ADGRB3: variants seen among roughly 807,000 people sequenced by gnomAD.
ADGRB3 encodes the protein adhesion G protein-coupled receptor B3, also known as brain-specific angiogenesis inhibitor 3.
Under a neutral mutation model 193.4 loss-of-function variants are expected in ADGRB3, and 37 were observed. The observed-to-expected ratio is 0.19, with a 90% confidence interval of 0.15 to 0.25. The LOEUF is 0.25. Ranked by LOEUF, ADGRB3 falls within the 10% of genes least tolerant of loss-of-function variation. The probability of loss-of-function intolerance (pLI) is 1.00; values close to 1 mark genes in which losing one functional copy is unlikely to be tolerated. For missense variants in ADGRB3, 1,637 were observed against 1,852.9 expected, an observed-to-expected ratio of 0.88 and a Z score of 2.14; for synonymous variants, 690 against 644.2, an observed-to-expected ratio of 1.07 and a Z score of -1.08.
intron 17 of ADGRB3, among the ~76,000 whole-genome samples, chr6:69,117,878 T>C (rs1773578040): frequency 6.6e-6 from 1 of 152,216 alleles, no homozygotes; most frequent in Non-Finnish European, 1.5e-5. Context: ...AATGTAAAGC[T>C]GTACCACATT....
chr6:68,858,278 G>T (rs955662924), intron 3 of ADGRB3, among the ~76,000 whole-genome samples: 2 of 152,148 alleles, frequency 1.3e-5, no homozygotes, highest in Non-Finnish European at 2.9e-5. Flanking sequence ...GCCAAGGCGG[G>T]TGGATCACAA....
At chr6:69,161,907 G>C (rs1479486568) in intron 17 of ADGRB3, among the ~76,000 whole-genome samples, 1 of 152,088 alleles carries the variant, frequency 6.6e-6, no homozygotes, top group Non-Finnish European at 1.5e-5. Context: ...GCAAGCAAGA[G>C]AGTCAGAGAT....
chr6:69,231,360 T>C (rs557555496), intron 17 of ADGRB3, among the ~76,000 whole-genome samples: 1 of 152,360 alleles, frequency 6.6e-6, no homozygotes, highest in African/African-American at 2.4e-5. Flanking sequence ...AATTGATTTA[T>C]TGGGCATAGC....
At chr6:69,272,574 A>AT (rs755129749) in intron 20 of ADGRB3, among the ~76,000 whole-genome samples, 5 of 152,210 alleles carry the variant, frequency 3.3e-5, no homozygotes, top group Admixed American at 6.5e-5. Context: ...CTGGAATTGG[A>AT]TTGAGATGGG....
At chr6:69,043,568 G>A (rs1007921) in intron 13 of ADGRB3, among the ~76,000 whole-genome samples, 64,560 of 151,944 alleles carry the variant, frequency 0.42, 14,395 homozygotes, top group Middle Eastern at 0.47. Flanking sequence ...CATACTGTGG[G>A]GTAGTTCTCT....
At chr6:68,700,271 A>G (rs1247916592) in intron 3 of ADGRB3, among the ~76,000 whole-genome samples, 1 of 152,176 alleles carries the variant, frequency 6.6e-6, no homozygotes, top group Admixed American at 6.6e-5. Flanking sequence ...AAGGCATTAA[A>G]TAAGTATGCT....
chr6:69,081,303 G>C (rs371801634), intron 17 of ADGRB3, among the ~76,000 whole-genome samples: 1 of 151,684 alleles, frequency 6.6e-6, no homozygotes, highest in East Asian at 1.9e-4. Context: ...CAAAATACTA[G>C]TCCTTATAAA....
intron 20 of ADGRB3, among the ~76,000 whole-genome samples, chr6:69,257,208 C>T (rs1479450865): frequency 1.3e-5 from 2 of 152,276 alleles, no homozygotes; most frequent in African/African-American, 2.4e-5. Context: ...CAGAATGATG[C>T]TGGCCTCATA....
chr6:69,130,008 G>C (rs1016705845), intron 17 of ADGRB3, among the ~76,000 whole-genome samples: 1 of 151,984 alleles, frequency 6.6e-6, no homozygotes, highest in African/African-American at 2.4e-5. Context: ...AGTCCATTCA[G>C]GTTGCTATAA....
intron 3 of ADGRB3, among the ~76,000 whole-genome samples, chr6:68,920,008 G>A (rs1766991548): frequency 6.6e-6 from 1 of 152,138 alleles, no homozygotes; most frequent in South Asian, 2.1e-4. Context: ...GGGTTGAGAT[G>A]GAAGCAGAGT....
chr6:68,922,663 G>C (rs375114015), intron 3 of ADGRB3, among the ~76,000 whole-genome samples: 1 of 152,096 alleles, frequency 6.6e-6, no homozygotes, highest in Non-Finnish European at 1.5e-5. Context: ...TCATGTTCCC[G>C]GTATCTCCTT....
chr6:68,950,610 C>A (rs13191427), intron 6 of ADGRB3, among the ~76,000 whole-genome samples: 50,045 of 151,996 alleles, frequency 0.33, 9,340 homozygotes, highest in Middle Eastern at 0.51. Flanking sequence ...TAACCCAGTT[C>A]AATAAAATGA....
At chr6:68,713,875 A>G (rs1455523981) in intron 3 of ADGRB3, among the ~76,000 whole-genome samples, 5 of 151,666 alleles carry the variant, frequency 3.3e-5, no homozygotes, top group African/African-American at 1.2e-4. Context: ...AATTTTATAT[A>G]ATCATTATAT....
chr6:68,930,677 G>GTTAGTTACATTTTTCTATT lies in ADGRB3; in HGVS notation c.868+10_868+28dup. On this transcript the variant is annotated intron_variant, in intron 4 of 31. Transcript: ENST00000370598. ...AATTTATGGCACAAACTGGTAATAC[G>GTTAGTTACATTTTTCTATT]TTAGTTACATTTTTCTATTTATTGT... is the stretch of plus-strand genomic sequence containing the variant. 6.5e-7 allele frequency: 1 copy of GTTAGTTACATTTTTCTATT among 1,548,454 alleles called. No individual in the cohort carries two copies. Among genetic ancestry groups the GTTAGTTACATTTTTCTATT allele is most frequent in the Non-Finnish European group, 8.9e-7 (1 of 1,126,618 alleles).
At chr6:68,756,587 C>T (rs1445224247) in intron 3 of ADGRB3, among the ~76,000 whole-genome samples, 1 of 152,054 alleles carries the variant, frequency 6.6e-6, no homozygotes, top group African/African-American at 2.4e-5. Context: ...TTACTGCAGG[C>T]TATATTCAAT....
At chr6:69,381,980 C>T (rs1453112155) in intron 30 of ADGRB3, among the ~76,000 whole-genome samples, 25 of 151,780 alleles carry the variant, frequency 1.6e-4, no homozygotes, top group Admixed American at 1.6e-3. Context: ...ATACAGGGCA[C>T]TTATTATCTA....
At chr6:69,259,213 T>A (rs918639269) in intron 20 of ADGRB3, among the ~76,000 whole-genome samples, 1 of 152,176 alleles carries the variant, frequency 6.6e-6, no homozygotes, top group Non-Finnish European at 1.5e-5. Context: ...ATGCAAGTTC[T>A]CAGCTCCAAG....
chr6:69,261,162 G>C (rs1443953649), intron 20 of ADGRB3, among the ~76,000 whole-genome samples: 1 of 152,114 alleles, frequency 6.6e-6, no homozygotes, highest in African/African-American at 2.4e-5. Flanking sequence ...TAGCAGCAAG[G>C]CTAATCTATA....
At chr6:69,357,055 A>AT (rs1313507482) in intron 28 of ADGRB3, among the ~76,000 whole-genome samples, 1 of 151,858 alleles carries the variant, frequency 6.6e-6, no homozygotes, top group Non-Finnish European at 1.5e-5. Flanking sequence ...CAATCCAAGT[A>AT]TTTTTTTCTT....
Sources: gnomAD v4.1 joint callset for allele counts (sites outside exome capture counted in the v4.1 genomes callset) on GRCh38, gnomAD v4.1.1 for gene constraint, MANE v1.5 for transcripts, NCBI Gene and HGNC (gene_info 2026-07-23, HGNC 2026-07-21) for gene names.